Variants in RIT2 observed in about 807,000 individuals in gnomAD.
RIT2 encodes the protein GTP-binding protein Rit2.
Under a neutral mutation model 23.7 loss-of-function variants are expected in RIT2, and 24 were observed. The observed-to-expected ratio is 1.01, with a 90% CI of 0.73 to 1.43. The LOEUF (loss-of-function observed/expected upper bound fraction) is 1.43, where lower values mean the gene tolerates loss of function less well. Among genes scored for constraint, RIT2 ranks in the 40% most tolerant of loss-of-function variants. RIT2 has a pLI of 0.00. For synonymous variants in RIT2, 107 were observed against 91.1 expected, an observed-to-expected ratio of 1.17 and a Z score of -0.99; for missense variants, 236 against 266.9, an observed-to-expected ratio of 0.88 and a Z score of 0.81.
chr18:42,755,293 A>T (rs1485521247), intron 4 of RIT2, among the ~76,000 whole-genome samples: 2 of 151,808 alleles, frequency 1.3e-5, no homozygotes, highest in Non-Finnish European at 2.9e-5. Context: ...GATTCATACC[A>T]CTCTCCCTCA....
chr18:43,100,985 G>C (rs1426163888), intron 1 of RIT2, among the ~76,000 whole-genome samples: 6 of 151,744 alleles, frequency 4.0e-5, no homozygotes, highest in Admixed American at 3.9e-4. Context: ...ATATATGTGT[G>C]TGTGTTTGTA....
chr18:43,000,383 G>A (rs1911076008), intron 2 of RIT2, among the ~76,000 whole-genome samples: 1 of 152,000 alleles, frequency 6.6e-6, no homozygotes, highest in African/African-American at 2.4e-5. Flanking sequence ...CCTTGACAGG[G>A]TTAAACAATC....
intron 1 of RIT2, among the ~76,000 whole-genome samples, chr18:43,080,566 T>G (rs1913133860): frequency 6.6e-6 from 1 of 152,196 alleles, no homozygotes. Context: ...CCCTTATTGC[T>G]TATGTGCTAC....
At chr18:43,033,373 T>C (rs56089720) in intron 2 of RIT2, among the ~76,000 whole-genome samples, 23,443 of 151,992 alleles carry the variant, frequency 0.15, 2,066 homozygotes, top group East Asian at 0.41. Context: ...ATATTATGTC[T>C]ATATCTAACG....
intron 4 of RIT2, among the ~76,000 whole-genome samples, chr18:42,839,105 A>T (rs1435752418): frequency 6.6e-6 from 1 of 152,190 alleles, no homozygotes; most frequent in Non-Finnish European, 1.5e-5. Context: ...AATCCTTTGC[A>T]CACTGGAAAA....
intron 4 of RIT2, among the ~76,000 whole-genome samples, chr18:42,789,364 C>T (rs1200065637): frequency 6.6e-6 from 1 of 152,176 alleles, no homozygotes; most frequent in Admixed American, 6.5e-5. Context: ...TCACCAATGC[C>T]AATATTTAGG....
intron 2 of RIT2, among the ~76,000 whole-genome samples, chr18:42,996,162 T>G (rs1385985564): frequency 6.6e-6 from 1 of 152,124 alleles, no homozygotes; most frequent in Non-Finnish European, 1.5e-5. Context: ...CCATCATCAA[T>G]AATTCTAAAT....
intron 3 of RIT2, among the ~76,000 whole-genome samples, chr18:42,969,746 C>T (rs1417814621): frequency 6.6e-6 from 1 of 151,470 alleles, no homozygotes; most frequent in African/African-American, 2.4e-5. Context: ...TTATTCAATA[C>T]ATTTATAAAG....
intron 4 of RIT2, among the ~76,000 whole-genome samples, chr18:42,918,699 CTATGAAAT>C (rs1908976926): frequency 6.6e-6 from 1 of 152,130 alleles, no homozygotes; most frequent in African/African-American, 2.4e-5. Flanking sequence ...AAGGGAGACA[CTATGAAAT>C]TATGCTTAGG....
intron 4 of RIT2, among the ~76,000 whole-genome samples, chr18:42,851,487 G>A (rs1480096391): frequency 6.6e-6 from 1 of 152,166 alleles, no homozygotes; most frequent in Non-Finnish European, 1.5e-5. Context: ...ATTTCTAGAA[G>A]CAGTCATAGG....
intron 4 of RIT2, among the ~76,000 whole-genome samples, chr18:42,813,099 G>A (rs1905897192): frequency 6.6e-6 from 1 of 152,160 alleles, no homozygotes; most frequent in African/African-American, 2.4e-5. Flanking sequence ...AATAGAATTA[G>A]TTTTTGTTTG....
At chr18:42,967,494 T>G (rs1029259455) in intron 3 of RIT2, among the ~76,000 whole-genome samples, 1 of 150,720 alleles carries the variant, frequency 6.6e-6, no homozygotes, top group Non-Finnish European at 1.5e-5. Context: ...CTCAGCCTCC[T>G]GAGTAGCTGG....
At chr18:42,908,693 C>G (rs1423054761) in intron 4 of RIT2, among the ~76,000 whole-genome samples, 7 of 152,080 alleles carry the variant, frequency 4.6e-5, no homozygotes, top group Non-Finnish European at 8.8e-5. Flanking sequence ...AATCATCCTT[C>G]ATACTGAAAT....
In RIT2 at chr18:42,888,510, C is replaced by G. The variant is rs138402564; in HGVS notation, c.426+35062G>C. Reference sequence around the variant, plus strand: ...GCATTCCCTTTTCGCCGCAGCCTCTCCAGCATCTGTTTTTTTTTTATTTTT... The same window carrying G: ...GCATTCCCTTTTCGCCGCAGCCTCTGCAGCATCTGTTTTTTTTTTATTTTT... On this transcript the variant is annotated intron_variant, in intron 4 of 4. Coordinates refer to ENST00000326695, the MANE Select transcript of RIT2 (RefSeq NM_002930.4). Among the ~76,000 whole-genome samples, 199 of 151,236 alleles carry G rather than the reference C, an allele frequency of 1.3e-3. 1 individual carries two copies. The highest frequency in any genetic ancestry group is 4.5e-3 in the African/African-American group (187 of 41,194).
chr18:42,880,381 C>A (rs985235907), intron 4 of RIT2, among the ~76,000 whole-genome samples: 17 of 152,012 alleles, frequency 1.1e-4, no homozygotes, highest in African/African-American at 4.1e-4. Context: ...AAAAAAATCC[C>A]CTTACTATTG....
intron 2 of RIT2, among the ~76,000 whole-genome samples, chr18:42,994,445 C>T (rs1246204678): frequency 1.3e-5 from 2 of 152,280 alleles, no homozygotes; most frequent in Non-Finnish European, 2.9e-5. Flanking sequence ...CCTTTGGATA[C>T]CTGGTTTTGC....
At chr18:42,913,597 G>T (rs975080331) in intron 4 of RIT2, among the ~76,000 whole-genome samples, 3 of 151,764 alleles carry the variant, frequency 2.0e-5, no homozygotes, top group African/African-American at 7.2e-5. Context: ...CATTATCTTA[G>T]GCGAAATAAG....
intron 4 of RIT2, among the ~76,000 whole-genome samples, chr18:42,797,110 C>T (rs528855459): frequency 6.6e-6 from 1 of 152,034 alleles, no homozygotes; most frequent in Non-Finnish European, 1.5e-5. Context: ...ATACACCAGG[C>T]CCTCAGGAGA....
chr18:42,808,627 CAGTTA>C (rs1441971016), intron 4 of RIT2, among the ~76,000 whole-genome samples: 3 of 151,534 alleles, frequency 2.0e-5, no homozygotes, highest in Non-Finnish European at 4.4e-5. Flanking sequence ...AACACATTAT[CAGTTA>C]AAAGTTTGAT....
Sources: allele counts gnomAD v4.1 joint callset (sites outside exome capture counted in the v4.1 genomes callset), GRCh38; gene constraint gnomAD v4.1.1; transcripts MANE v1.5; gene names NCBI Gene and HGNC (gene_info 2026-07-23, HGNC 2026-07-21).